STK33: variants seen among roughly 807,000 people sequenced by gnomAD.
STK33 encodes serine/threonine kinase 33.
Under a neutral mutation model 58.0 loss-of-function variants are expected in STK33, and 52 were observed. The observed-to-expected ratio is 0.90, with a 90% confidence interval of 0.72 to 1.13. The LOEUF is 1.13. Among genes scored for constraint, STK33 ranks in the 50% most tolerant of loss-of-function variants. The pLI is 0.00. For synonymous variants in STK33, 215 were observed against 200.1 expected, an observed-to-expected ratio of 1.07 and a Z score of -0.63; for missense variants, 630 against 604.2, an observed-to-expected ratio of 1.04 and a Z score of -0.45.
chr11:8,449,101 T>C (rs1371918699), intron 11 of STK33, among the ~76,000 whole-genome samples: 1 of 151,528 alleles, frequency 6.6e-6, no homozygotes, highest in Non-Finnish European at 1.5e-5. Context: ...TCACACCAGT[T>C]AGAATGGCGG....
chr11:8,439,652 G>A (rs528941662), intron 12 of STK33, among the ~76,000 whole-genome samples: 8 of 151,350 alleles, frequency 5.3e-5, no homozygotes, highest in African/African-American at 1.7e-4. Flanking sequence ...ATGACACAGG[G>A]TGTGTCCGAG....
chr11:8,564,661 C>T (rs1400249923), intron 1 of STK33, among the ~76,000 whole-genome samples: 1 of 152,016 alleles, frequency 6.6e-6, no homozygotes, highest in South Asian at 2.1e-4. Flanking sequence ...CTGGCTAAAC[C>T]ACAAAAAAGA....
chr11:8,438,788 G>T (rs373039457), intron 12 of STK33, among the ~76,000 whole-genome samples: 1 of 152,138 alleles, frequency 6.6e-6, no homozygotes, highest in East Asian at 1.9e-4. Context: ...AGTCTTCAGA[G>T]TATAAAAGAC....
the STK33 span, among the ~76,000 whole-genome samples, chr11:8,370,261 G>A: frequency 2.6e-5 from 4 of 151,982 alleles, no homozygotes; most frequent in Non-Finnish European, 5.9e-5. Context: ...ATAGTGGCAC[G>A]ATCATAGCTC....
chr11:8,517,623 A>C (rs938432857), intron 1 of STK33, among the ~76,000 whole-genome samples: 8 of 152,220 alleles, frequency 5.3e-5, no homozygotes, highest in African/African-American at 1.9e-4. Context: ...AACTAGAATA[A>C]ACAGTGCAGA....
At chr11:8,356,300 C>A in the STK33 span, among the ~76,000 whole-genome samples, 1 of 152,178 alleles carries the variant, frequency 6.6e-6, no homozygotes. Context: ...GCTCTTCCTG[C>A]CCACAGCAGT....
chr11:8,517,487 C>T (rs775504252), intron 1 of STK33, among the ~76,000 whole-genome samples: 1 of 152,190 alleles, frequency 6.6e-6, no homozygotes, highest in Admixed American at 6.5e-5. Context: ...CGGAGAATGA[C>T]TTTGACAAGT....
In STK33 at chr11:8,395,784, T is replaced by C. The variant is rs537906469; in HGVS notation, c.1345-3074A>G. 1.6e-4 allele frequency among the ~76,000 whole-genome samples: 24 copies of C among 152,358 alleles called. 1 individual carries two copies. The South Asian group carries it at 5.0e-3, about 32-fold the overall frequency. Reference sequence around the variant, plus strand: ...TTGCACATGACATTTTGCACGTTCGTAAGTTTTTCTACAGGATATATATTT... The same window carrying C: ...TTGCACATGACATTTTGCACGTTCGCAAGTTTTTCTACAGGATATATATTT... On this transcript the variant is annotated intron_variant, in intron 15 of 15. Coordinates refer to ENST00000687296, the MANE Select transcript of STK33 (RefSeq NM_001352389.2).
chr11:8,413,188 A>G (rs1250023239), intron 15 of STK33, among the ~76,000 whole-genome samples: 1 of 152,178 alleles, frequency 6.6e-6, no homozygotes, highest in Non-Finnish European at 1.5e-5. Flanking sequence ...TTCACGCTAC[A>G]ACGTCAGAGA....
At chr11:8,533,803 C>A (rs923004475) in intron 1 of STK33, among the ~76,000 whole-genome samples, 1 of 152,062 alleles carries the variant, frequency 6.6e-6, no homozygotes, top group Non-Finnish European at 1.5e-5. Context: ...TACATGGTTT[C>A]TCTGGTAACC....
intron 15 of STK33, among the ~76,000 whole-genome samples, chr11:8,396,960 C>G (rs1442010497): frequency 6.6e-6 from 1 of 152,202 alleles, no homozygotes; most frequent in Admixed American, 6.5e-5. Context: ...AACAAAGTGG[C>G]CAGGAAGCTC....
the STK33 span, among the ~76,000 whole-genome samples, chr11:8,354,972 T>A: frequency 1.3e-5 from 2 of 152,266 alleles, no homozygotes; most frequent in Non-Finnish European, 2.9e-5. Flanking sequence ...TTCTGATCTC[T>A]TCTTGCAGAA....
intron 1 of STK33, among the ~76,000 whole-genome samples, chr11:8,592,466 A>T (rs1321699408): frequency 6.6e-6 from 1 of 152,158 alleles, no homozygotes; most frequent in South Asian, 2.1e-4. Flanking sequence ...TAAAATAATA[A>T]TGCTAATATG....
At chr11:8,397,855 G>GT (rs1849643238) in intron 15 of STK33, among the ~76,000 whole-genome samples, 4 of 152,112 alleles carry the variant, frequency 2.6e-5, no homozygotes, top group African/African-American at 9.7e-5. Context: ...GGAAGAAACA[G>GT]TATCAGTGAT....
intron 1 of STK33, among the ~76,000 whole-genome samples, chr11:8,551,692 T>C (rs1422810191): frequency 2.6e-5 from 4 of 152,066 alleles, no homozygotes; most frequent in African/African-American, 9.7e-5. Context: ...GCGCAGAACT[T>C]GTAGGGAGCA....
At chr11:8,358,090 ACT>A in the STK33 span, among the ~76,000 whole-genome samples, 3 of 151,732 alleles carry the variant, frequency 2.0e-5, no homozygotes, top group Admixed American at 6.6e-5. Flanking sequence ...GGTTCTCCAG[ACT>A]CTGCCCACAT....
chr11:8,530,582 C>T (rs572696845), intron 1 of STK33, among the ~76,000 whole-genome samples: 38 of 151,846 alleles, frequency 2.5e-4, no homozygotes, highest in African/African-American at 8.5e-4. Context: ...AAATTACAAA[C>T]AGAAGACAAG....
At chr11:8,401,706 T>G (rs1298818802) in intron 15 of STK33, among the ~76,000 whole-genome samples, 8 of 152,150 alleles carry the variant, frequency 5.3e-5, no homozygotes, top group Admixed American at 2.6e-4. Context: ...GGAGAAAATT[T>G]TTGCAATCTA....
At chr11:8,491,451 A>T (rs769636714) in intron 1 of STK33, among the ~76,000 whole-genome samples, 12 of 152,232 alleles carry the variant, frequency 7.9e-5, no homozygotes, top group Non-Finnish European at 1.5e-4. Context: ...AGGTGAAAAG[A>T]CCAAATCTAC....
Sources: allele counts gnomAD v4.1 joint callset (sites outside exome capture counted in the v4.1 genomes callset), GRCh38; gene constraint gnomAD v4.1.1; transcripts MANE v1.5; gene names NCBI Gene and HGNC (gene_info 2026-07-23, HGNC 2026-07-21).